PTPRD: variants seen among roughly 807,000 people sequenced by gnomAD.
PTPRD encodes the protein protein tyrosine phosphatase receptor type D, also known as receptor-type tyrosine-protein phosphatase delta.
A neutral mutation model predicts 214.5 loss-of-function variants in PTPRD; 34 were observed. The observed-to-expected ratio is 0.16, with a 90% CI of 0.12 to 0.21. The LOEUF is 0.21. PTPRD is among the 10% of genes least tolerant of loss of function. The probability of loss-of-function intolerance (pLI) is 1.00; values close to 1 mark genes in which losing one functional copy is unlikely to be tolerated. For synonymous variants in PTPRD, 1,128 were observed against 845.7 expected (o/e 1.33, Z -5.79); for missense variants, 2,545 against 2,398.7 (o/e 1.06, Z -1.27).
chr9:9,666,419 G>A (rs1414652435), intron 7 of PTPRD, among the ~76,000 whole-genome samples: 2 of 151,894 alleles, frequency 1.3e-5, no homozygotes, highest in African/African-American at 2.4e-5. Context: ...CTTTCGTAGA[G>A]GAGAATGTTC....
chr9:9,983,738 A>G (rs1344856017), intron 4 of PTPRD, among the ~76,000 whole-genome samples: 2 of 152,254 alleles, frequency 1.3e-5, no homozygotes, highest in African/African-American at 4.8e-5. Flanking sequence ...GTGATCAACA[A>G]TTTGAAAAAT....
intron 9 of PTPRD, among the ~76,000 whole-genome samples, chr9:9,316,220 A>G (rs1962968887): frequency 6.6e-6 from 1 of 151,638 alleles, no homozygotes; most frequent in Admixed American, 6.6e-5. Context: ...CTCCACCCCT[A>G]TGTCTCCCTC....
intron 3 of PTPRD, among the ~76,000 whole-genome samples, chr9:10,140,858 C>T (rs1203641123): frequency 6.6e-6 from 1 of 151,716 alleles, no homozygotes; most frequent in Non-Finnish European, 1.5e-5. Context: ...CAATAAAATA[C>T]TGGCAAACCG....
chr9:10,031,647 T>TATATATATATACACACACACAC lies in PTPRD; in HGVS notation c.-472+2070_-472+2071insGTGTGTGTGTGTATATATATAT. Among the ~76,000 whole-genome samples the TATATATATATACACACACACAC allele has an allele frequency of 1.8e-3, 160 of 89,612 alleles. 6 individuals are homozygous for TATATATATATACACACACACAC. The highest frequency in any genetic ancestry group is 0.015 in the East Asian group (31 of 2,126). 58.8% of individuals were successfully genotyped at this position (89,612 alleles called of 152,430 possible). On this transcript the variant is annotated intron_variant, in intron 4 of 45. Coordinates refer to ENST00000381196, the MANE Select transcript of PTPRD (RefSeq NM_002839.4). The stretch of plus-strand genomic sequence containing the variant: ...CTCCATATATATATATATATATATA[T>TATATATATATACACACACACAC]ACACACACACACACACACATACACA...
chr9:9,565,100 T>C (rs2084099202), intron 8 of PTPRD, among the ~76,000 whole-genome samples: 1 of 151,650 alleles, frequency 6.6e-6, no homozygotes. Flanking sequence ...AAAGTTATAT[T>C]CAAATATTTT....
At chr9:8,621,430 T>C (rs2095820508) in intron 14 of PTPRD, among the ~76,000 whole-genome samples, 1 of 151,956 alleles carries the variant, frequency 6.6e-6, no homozygotes, top group African/African-American at 2.4e-5. Flanking sequence ...AATCATATCT[T>C]AAAAATGTTG....
intron 2 of PTPRD, among the ~76,000 whole-genome samples, chr9:10,473,270 A>C (rs2099042749): frequency 6.6e-6 from 1 of 152,124 alleles, no homozygotes; most frequent in Non-Finnish European, 1.5e-5. Context: ...TTAGAAAAAA[A>C]TTCATGTTGA....
intron 45 of PTPRD, among the ~76,000 whole-genome samples, chr9:8,318,222 C>G (rs1823442124): frequency 6.6e-6 from 1 of 151,900 alleles, no homozygotes; most frequent in African/African-American, 2.4e-5. Context: ...CAAGTGTTTT[C>G]CAAGTAGTAT....
intron 25 of PTPRD, 82 bp downstream of exon 25, chr9:8,499,565 A>C (rs2097349819): frequency 1.4e-6 from 2 of 1,457,450 alleles, no homozygotes; most frequent in Non-Finnish European, 9.3e-7. Context: ...ATGTCGAAAA[A>C]CTAAAATAAG....
rs1293393152 is a variant in PTPRD at position 9,920,847 on chromosome 9, G to C, written c.-368+17660C>G. 8.6e-5 allele frequency among the ~76,000 whole-genome samples: 13 copies of C among 151,796 alleles called. 1 individual carries two copies. The highest frequency in any genetic ancestry group is 8.5e-4 in the Admixed American group (13 of 15,222). On this transcript the variant is annotated intron_variant, in intron 5 of 45. Coordinates refer to ENST00000381196, the MANE Select transcript of PTPRD (RefSeq NM_002839.4). The stretch of plus-strand genomic sequence containing the variant: ...TGAATAGAAATTTTGACCCACTCCG[G>C]CTTCCATCTATCATGGGAGCCTATA...
chr9:8,771,873 A>C (rs7021319), intron 11 of PTPRD, among the ~76,000 whole-genome samples: 7,197 of 152,162 alleles, frequency 0.047, 435 homozygotes, highest in African/African-American at 0.14. Flanking sequence ...ATCTTATAAA[A>C]AAGCCCAACG....
At chr9:10,600,336 T>A (rs2133326145) in intron 2 of PTPRD, among the ~76,000 whole-genome samples, 1 of 151,914 alleles carries the variant, frequency 6.6e-6, no homozygotes, top group African/African-American at 2.4e-5. Flanking sequence ...TCTCCCTTTT[T>A]AATCTGTATC....
intron 9 of PTPRD, among the ~76,000 whole-genome samples, chr9:9,350,050 T>TA (rs984061166): frequency 2.6e-5 from 4 of 151,982 alleles, no homozygotes; most frequent in African/African-American, 4.8e-5. Flanking sequence ...CTTGAAGAGG[T>TA]AGGAACGGAA....
intron 5 of PTPRD, among the ~76,000 whole-genome samples, chr9:9,797,687 A>C (rs1308637776): frequency 6.6e-6 from 1 of 152,026 alleles, no homozygotes; most frequent in Non-Finnish European, 1.5e-5. Context: ...CTCTACTAAA[A>C]ATACAAAAAC....
chr9:8,752,034 G>T (rs1193685629), intron 11 of PTPRD, among the ~76,000 whole-genome samples: 1 of 152,164 alleles, frequency 6.6e-6, no homozygotes, highest in Non-Finnish European at 1.5e-5. Flanking sequence ...AAGAAGCTCT[G>T]CATGGTCCCT....
intron 11 of PTPRD, among the ~76,000 whole-genome samples, chr9:8,975,289 A>G (rs887491631): frequency 6.6e-6 from 1 of 152,104 alleles, no homozygotes; most frequent in Non-Finnish European, 1.5e-5. Context: ...CCTAATGATA[A>G]TTAAACAATC....
At chr9:8,739,566 A>C (rs1010140104) in intron 11 of PTPRD, among the ~76,000 whole-genome samples, 1 of 152,194 alleles carries the variant, frequency 6.6e-6, no homozygotes, top group Non-Finnish European at 1.5e-5. Flanking sequence ...CACTGAACAG[A>C]AAGTCAGTGT....
chr9:9,115,160 G>A (rs1261311041), intron 10 of PTPRD, among the ~76,000 whole-genome samples: 1 of 152,064 alleles, frequency 6.6e-6, no homozygotes, highest in Non-Finnish European at 1.5e-5. Context: ...ATTCTATTTC[G>A]CAGATTCTCT....
chr9:9,570,109 A>AT (rs2085905089), intron 8 of PTPRD, among the ~76,000 whole-genome samples: 1 of 151,520 alleles, frequency 6.6e-6, no homozygotes, highest in Non-Finnish European at 1.5e-5. Flanking sequence ...GGAAGCAAAA[A>AT]TTTCCAGAAA....
Sources: gnomAD v4.1 joint callset for allele counts (sites outside exome capture counted in the v4.1 genomes callset) on GRCh38, gnomAD v4.1.1 for gene constraint, MANE v1.5 for transcripts, NCBI Gene and HGNC (gene_info 2026-07-23, HGNC 2026-07-21) for gene names.